The following NAP1L1 variants were observed in gnomAD, a reference collection of about 807,000 sequenced individuals.
NAP1L1 encodes the protein nucleosome assembly protein 1-like 1.
A neutral mutation model predicts 58.9 loss-of-function variants in NAP1L1; 9 were observed. The ratio of observed to expected loss-of-function variants is 0.15; its 90% CI spans 0.09 to 0.27. The LOEUF is 0.27. Among genes scored for constraint, NAP1L1 ranks in the 10% least tolerant of loss-of-function variants. The probability of loss-of-function intolerance (pLI) is 1.00; values close to 1 mark genes in which losing one functional copy is unlikely to be tolerated. For synonymous variants in NAP1L1, 130 were observed against 138.3 expected, an observed-to-expected ratio of 0.94 and a Z score of 0.42; for missense variants, 302 against 458.8, an observed-to-expected ratio of 0.66 and a Z score of 3.12.
intron 14 of NAP1L1, chr12:76,048,897 C>T (rs1592603602): frequency 2.3e-6 from 1 of 439,696 alleles, no homozygotes; most frequent in East Asian, 4.1e-5. Context: ...CTTTTAAAAA[C>T]CTTTATTTTC....
Position 76,037,960 on chromosome 12 carries a change from T to C in NAP1L1, c.*10469A>G, listed in dbSNP as rs893148973. 1.3e-5 allele frequency: 2 copies of C among 152,254 alleles called. No individual in the cohort carries two copies. The highest frequency in any genetic ancestry group is 1.5e-5 in the Non-Finnish European group (1 of 68,052). 9.4% of individuals were successfully genotyped at this position (152,254 alleles called of 1,614,324 possible). ...TATTATTCAAAATGGGCAAGCAGGC[T>C]ATCTTATTGAGTATTAACAAGTAAC... On this transcript the variant is annotated 3_prime_UTR_variant, in exon 15 of 15. Transcript: ENST00000618691.
rs1948530411 is a variant in NAP1L1 at position 76,039,455 on chromosome 12, C to G, written c.*8974G>C. ...GTCTGTCTAAGCCTAAGAGAAAAAC[C>G]TATATAAGCCACATTGTATTGGGGC... On this transcript the variant is annotated 3_prime_UTR_variant, in exon 15 of 15. Transcript: ENST00000618691. 6.6e-6 allele frequency: 1 copy of G among 152,118 alleles called. No individual in the cohort carries two copies. 9.4% of individuals were successfully genotyped at this position (152,118 alleles called of 1,614,324 possible).
At chr12:76,058,204 T>C (rs1592638218) in intron 6 of NAP1L1, 3 of 129,872 alleles carry the variant, frequency 2.3e-5, no homozygotes, top group African/African-American at 5.6e-5. Context: ...CATATATATA[T>C]ATATATATAT....
At chr12:76,071,634 A>C (rs1418452236) in intron 2 of NAP1L1, among the ~76,000 whole-genome samples, 2 of 152,316 alleles carry the variant, frequency 1.3e-5, no homozygotes, top group East Asian at 3.9e-4. Context: ...CTTCAAAAGG[A>C]TAAGAACTGG....
In NAP1L1 at chr12:76,058,118, A is replaced by G. The variant is rs947961489; in HGVS notation, c.429+1680T>C. The G allele has an allele frequency of 3.2e-5, 23 of 725,304 alleles. No homozygotes were observed. The Admixed American group carries it at 3.9e-4, about 12-fold the overall frequency. The allele number at this position is 725,304 out of a possible 1,614,324, so 44.9% of individuals were successfully genotyped here. A position where few individuals can be genotyped will look rare whatever the true frequency, so the allele number is the denominator to read the frequency against. On this transcript the variant is annotated intron_variant, in intron 6 of 14. Coordinates refer to ENST00000618691, the MANE Select transcript of NAP1L1 (RefSeq NM_004537.7). ...ATGACAGCATCGAAGATCTTGGAGA[A>G]GAAGTGAATTTGAAAATTTGTCTGT...
chr12:76,059,555 G>A (rs1949305262), intron 6 of NAP1L1: 2 of 420,948 alleles, frequency 4.8e-6, no homozygotes, highest in Non-Finnish European at 8.4e-6. Flanking sequence ...TTAAACTGCT[G>A]TGGACACTTA....
At chr12:76,071,711 A>G (rs186351650) in intron 2 of NAP1L1, among the ~76,000 whole-genome samples, 1 of 152,200 alleles carries the variant, frequency 6.6e-6, no homozygotes, top group African/African-American at 2.4e-5. Context: ...CTAAAACAAG[A>G]AAGTAAAAAC....
chr12:76,067,990 T>C (rs1367577416), intron 3 of NAP1L1, among the ~76,000 whole-genome samples: 9 of 152,216 alleles, frequency 5.9e-5, no homozygotes, highest in African/African-American at 1.9e-4. Context: ...AGTCAAAGAC[T>C]GTAACTAAAG....
At chr12:76,055,480 T>C (rs1232963347) in intron 7 of NAP1L1, among the ~76,000 whole-genome samples, 1 of 152,244 alleles carries the variant, frequency 6.6e-6, no homozygotes, top group Non-Finnish European at 1.5e-5. Context: ...GCAGTAATTG[T>C]GTGAAGATCA....
At chr12:76,056,395 T>C (rs1028260961) in intron 6 of NAP1L1, 8 of 433,732 alleles carry the variant, frequency 1.8e-5, no homozygotes, top group Non-Finnish European at 2.5e-5. Flanking sequence ...AAAACCATTT[T>C]AGTAAAAAAA....
At chr12:76,072,300 T>TA (rs566199999) in intron 2 of NAP1L1, among the ~76,000 whole-genome samples, 2,697 of 120,802 alleles carry the variant, frequency 0.022, 29 homozygotes, top group Middle Eastern at 0.056. Flanking sequence ...GGATGCTATT[T>TA]AAAAAAAAAA....
intron 11 of NAP1L1, among the ~76,000 whole-genome samples, chr12:76,051,366 G>A (rs1948819962): frequency 6.6e-6 from 1 of 151,126 alleles, no homozygotes; most frequent in South Asian, 2.1e-4. Context: ...TTAATATATA[G>A]TTATTGTTAA....
rs757265183 is a variant in NAP1L1, at chr12:76,048,416, C to T, written c.*13G>A. On this transcript the variant is annotated 3_prime_UTR_variant, in exon 15 of 15. Coordinates refer to ENST00000618691, the MANE Select transcript of NAP1L1 (RefSeq NM_004537.7). ...ACAGTGCAGGTTATCCTCAAGGCCA[C>T]ATACATCCTGCTTCACTGCTGCTTG... The T allele has an allele frequency of 1.2e-6, 2 of 1,613,102 alleles. No individual in the cohort carries two copies. The highest frequency in any genetic ancestry group is 8.5e-7 in the Non-Finnish European group (1 of 1,179,600).
intron 4 of NAP1L1, among the ~76,000 whole-genome samples, chr12:76,066,118 A>G (rs1202291036): frequency 9.0e-6 from 1 of 111,646 alleles, no homozygotes; most frequent in Admixed American, 9.5e-5. Flanking sequence ...ATAAATAAAT[A>G]AATAAATAAA....
intron 6 of NAP1L1, chr12:76,057,357 G>A (rs1949158271): frequency 7.7e-6 from 3 of 387,394 alleles, no homozygotes; most frequent in Non-Finnish European, 1.5e-5. Flanking sequence ...GTGCCAGGTT[G>A]AATAACAGTT....
rs1304533252 is a variant in NAP1L1 at position 76,042,658 on chromosome 12, A to G, written c.*5771T>C. 6.6e-6 allele frequency: 1 copy of G among 152,232 alleles called. No homozygotes were observed. The highest frequency in any genetic ancestry group is 1.5e-5 in the Non-Finnish European group (1 of 68,040). The allele number at this position is 152,232 out of a possible 1,614,324, so 9.4% of individuals were successfully genotyped here. A position where few individuals can be genotyped will look rare whatever the true frequency, so the allele number is the denominator to read the frequency against. On this transcript the variant is annotated 3_prime_UTR_variant, in exon 15 of 15. Transcript: ENST00000618691. ...AAATAACATTGTTTGATTCAACTTCAAAGTATCCACTGTGCGTTCAGTTTT... is the reference window on the plus strand; with the variant it reads ...AAATAACATTGTTTGATTCAACTTCGAAGTATCCACTGTGCGTTCAGTTTT...
At position 76,051,379 on chromosome 12, in the gene NAP1L1, T is replaced by C. The variant is rs552778207; in HGVS notation, c.937-726A>G. On this transcript the variant is annotated intron_variant, in intron 11 of 14. Coordinates refer to ENST00000618691, the MANE Select transcript of NAP1L1 (RefSeq NM_004537.7). ...TGTTAATATATAGTTATTGTTAATA[T>C]TGTTAAGTACATAGCAAATAGAAGG... 8.6e-5 allele frequency among the ~76,000 whole-genome samples: 13 copies of C among 151,906 alleles called. 2 individuals carry two copies. In the South Asian group the frequency reaches 2.5e-3, roughly 29 times the overall value.
chr12:76,039,602 C>T lies in NAP1L1; in HGVS notation c.*8827G>A, dbSNP rs1948531561. ...AACTCTGGTCTCTAAAATATTTCAT[C>T]TCTGAAAGCTCTAGCCTAAAGAACA... On this transcript the variant is annotated 3_prime_UTR_variant, in exon 15 of 15. Coordinates refer to ENST00000618691, the MANE Select transcript of NAP1L1 (RefSeq NM_004537.7). The T allele has an allele frequency of 6.6e-6, 1 of 152,170 alleles. No individual in the cohort carries two copies. The highest frequency in any genetic ancestry group is 3.2e-3 in the Middle Eastern group (1 of 316). 9.4% of individuals were successfully genotyped at this position (152,170 alleles called of 1,614,324 possible). A position where few individuals can be genotyped will look rare whatever the true frequency, so the allele number is the denominator to read the frequency against.
chr12:76,055,124 A>G (rs772285602), intron 7 of NAP1L1, 34 bp from the exon 8 acceptor site: 1 of 1,446,378 alleles, frequency 6.9e-7, no homozygotes, highest in Non-Finnish European at 9.5e-7. Flanking sequence ...AATGAATAAC[A>G]TGGCATTCGA....
Sources: allele counts gnomAD v4.1 joint callset (sites outside exome capture counted in the v4.1 genomes callset), GRCh38; gene constraint gnomAD v4.1.1; transcripts MANE v1.5; gene names NCBI Gene and HGNC (gene_info 2026-07-23, HGNC 2026-07-21).